Variants in GK5 observed in about 807,000 individuals in gnomAD.
GK5 encodes the protein ATP:glycerol 3-phosphotransferase 5.
GK5 carries 39 observed loss-of-function variants against 77.3 expected under a neutral mutation model. The ratio of observed to expected loss-of-function variants is 0.50; its 90% CI spans 0.39 to 0.66. The LOEUF (loss-of-function observed/expected upper bound fraction) is 0.66. Among genes scored for constraint, GK5 ranks in the 30% least tolerant of loss-of-function variants. The pLI is 0.00. For missense variants in GK5, 487 were observed against 633.8 expected, an observed-to-expected ratio of 0.77 and a Z score of 2.49; for synonymous variants, 211 against 208.0, an observed-to-expected ratio of 1.01 and a Z score of -0.13.
chr3:142,179,147 CTTAA>C (rs2063660804), intron 11 of GK5, among the ~76,000 whole-genome samples: 1 of 152,124 alleles, frequency 6.6e-6, no homozygotes, highest in Non-Finnish European at 1.5e-5. Flanking sequence ...TTTAGAGAGC[CTTAA>C]TTAAGTTGAC....
At chr3:142,170,302 A>AGT in intron 15 of GK5, 23 bp downstream of exon 15, 1 of 1,612,636 alleles carries the variant, frequency 6.2e-7, no homozygotes, top group African/African-American at 1.3e-5. Context: ...GAAAACTCTC[A>AGT]TTCTTATAAA....
chr3:142,224,812 T>C (rs2064404274), intron 1 of GK5, among the ~76,000 whole-genome samples: 2 of 152,000 alleles, frequency 1.3e-5, no homozygotes, highest in Admixed American at 6.6e-5. Context: ...ATATGAAAAG[T>C]TATTGAGGCA....
At chr3:142,198,975 G>A (rs1392076213) in intron 4 of GK5, 42 bp from the exon 5 acceptor site, 2 of 1,480,284 alleles carry the variant, frequency 1.4e-6, no homozygotes, top group Non-Finnish European at 1.8e-6. Flanking sequence ...GCATTTAGTA[G>A]TGTTTAAAAT....
At position 142,218,744 on chromosome 3, in the gene GK5, T is replaced by C. The variant is rs192904595; in HGVS notation, c.148-3052A>G. On this transcript the variant is annotated intron_variant, in intron 1 of 15. Coordinates refer to ENST00000392993, the MANE Select transcript of GK5 (RefSeq NM_001039547.3). ...ATTCATATAACAAAAAGTTGATAAATTGGACTTCATCAAAGTTAAAAACAT... is the reference window on the plus strand; with the variant it reads ...ATTCATATAACAAAAAGTTGATAAACTGGACTTCATCAAAGTTAAAAACAT... Among the ~76,000 whole-genome samples, 8 of 152,200 alleles carry C rather than the reference T, an allele frequency of 5.3e-5. No individual in the cohort carries two copies. In the East Asian group the frequency reaches 1.4e-3, roughly 26 times the overall value.
chr3:142,189,621 T>A (rs2063821072), intron 5 of GK5, among the ~76,000 whole-genome samples: 1 of 152,164 alleles, frequency 6.6e-6, no homozygotes, highest in South Asian at 2.1e-4. Context: ...TGCTAGGCCC[T>A]TAGGAGGCTA....
chr3:142,217,853 G>A (rs1041597832), intron 1 of GK5, among the ~76,000 whole-genome samples: 1 of 152,144 alleles, frequency 6.6e-6, no homozygotes, highest in Non-Finnish European at 1.5e-5. Context: ...TTTACAGTGT[G>A]CTAAAAGAAC....
chr3:142,165,728 C>A lies in GK5; in HGVS notation c.1484G>T (p.Ser495Ile). 6.2e-7 allele frequency: 1 copy of A among 1,612,830 alleles called. No individual in the cohort carries two copies. The highest frequency in any genetic ancestry group is 1.3e-5 in the African/African-American group (1 of 75,010). ...DKEELKKLRQ[S>I]EVVFKPQKKC... ...CTTCTGTGGCTTGAAAACCACTTCA[C>A]TTTGTCTCAGTTTCTTTAGTTCCTC... Residue 495 changes from serine to isoleucine, a missense_variant, in exon 16 of 16, where the codon AGT (serine) becomes ATT (isoleucine). Physicochemically the swap from Ser to Ile is moderately radical, Grantham distance 142. Coordinates refer to ENST00000392993, the MANE Select transcript of GK5 (RefSeq NM_001039547.3).
In GK5 at chr3:142,198,813, T is replaced by G; in HGVS notation, c.532A>C (p.Asn178His). Residue 178 changes from asparagine to histidine, a missense_variant, in exon 5 of 16, where the codon AAC becomes CAC. Asn to His is a moderately conservative substitution (Grantham distance 68). This residue lies in a region of GK5 where 323 missense variants were observed against 437.4 expected (regional missense o/e 0.74). Transcript: ENST00000392993. ...TSLRLVWILQ[N>H]LTEVQKAVEE... is the part of the protein sequence containing the mutation. ...CAGTATTTTCTTACCTCAGTCAAGT[T>G]CTGTAAAATCCAGACCAATCTCAAA... 9 of 1,610,260 alleles carry G rather than the reference T, an allele frequency of 5.6e-6. No homozygotes were observed. Among genetic ancestry groups the G allele is most frequent in the Non-Finnish European group, 7.6e-6 (9 of 1,178,696 alleles).
intron 1 of GK5, among the ~76,000 whole-genome samples, chr3:142,216,947 C>A (rs554142492): frequency 1.3e-5 from 2 of 152,062 alleles, no homozygotes; most frequent in Non-Finnish European, 2.9e-5. Context: ...GCAATAAATA[C>A]CTGCTAAAAG....
chr3:142,204,572 G>A (rs1039790855), intron 4 of GK5, 123 bp downstream of exon 4: 5 of 742,158 alleles, frequency 6.7e-6, no homozygotes, highest in East Asian at 2.6e-5. Context: ...TCACTGGAAT[G>A]GGGAGTGTGT....
intron 1 of GK5, among the ~76,000 whole-genome samples, chr3:142,220,778 C>A (rs1478538947): frequency 6.6e-5 from 10 of 152,046 alleles, no homozygotes; most frequent in Non-Finnish European, 1.5e-4. Flanking sequence ...GAGAGTGATG[C>A]CCGTAAGCAA....
Position 142,165,789 on chromosome 3 carries a change from T to C in GK5, c.1442-19A>G, listed in dbSNP as rs755136151. 2.6e-6 allele frequency: 4 copies of C among 1,543,544 alleles called. No individual in the cohort carries two copies. The South Asian group carries it at 5.0e-5, about 19-fold the overall frequency. On this transcript the variant is annotated intron_variant, in intron 15 of 15. Transcript: ENST00000392993. The stretch of plus-strand genomic sequence containing the variant: ...CAAAACCCTATAGATAAAAAAATTA[T>C]CCTCAAATTTTAAGGCAAATCATGA...
At chr3:142,223,168 T>C (rs1327425666) in intron 1 of GK5, among the ~76,000 whole-genome samples, 3 of 152,218 alleles carry the variant, frequency 2.0e-5, no homozygotes, top group African/African-American at 7.2e-5. Context: ...CCTCACTTCA[T>C]TCCTAAAAAA....
At chr3:142,171,005 GATC>G (rs1300288300) in intron 14 of GK5, among the ~76,000 whole-genome samples, 1 of 152,102 alleles carries the variant, frequency 6.6e-6, no homozygotes, top group Non-Finnish European at 1.5e-5. Context: ...GAAGAGGGCG[GATC>G]ACCTGAGGTC....
chr3:142,223,019 G>A (rs913629183), intron 1 of GK5, among the ~76,000 whole-genome samples: 1 of 152,130 alleles, frequency 6.6e-6, no homozygotes, highest in African/African-American at 2.4e-5. Context: ...TGCTTTATCC[G>A]GGAAGAGCAG....
chr3:142,179,856 G>C (rs2063669275), intron 11 of GK5, among the ~76,000 whole-genome samples: 1 of 152,122 alleles, frequency 6.6e-6, no homozygotes, highest in African/African-American at 2.4e-5. Context: ...AAGCCGTCTG[G>C]GGACTCCCTG....
chr3:142,185,475 T>C (rs2063756420), intron 9 of GK5: 1 of 986,288 alleles, frequency 1.0e-6, no homozygotes, highest in Non-Finnish European at 1.2e-6. Context: ...TATTTACTGG[T>C]AGATGATGGC....
chr3:142,181,674 A>G (rs923920279), intron 10 of GK5, 109 bp from the exon 11 acceptor site: 1 of 702,022 alleles, frequency 1.4e-6, no homozygotes, highest in African/African-American at 1.8e-5. Flanking sequence ...GTGCCTCTGA[A>G]GTCAGACTGT....
rs72997055 is a variant in GK5, at chr3:142,221,977, A to G, written c.147+3332T>C. On this transcript the variant is annotated intron_variant, in intron 1 of 15. Transcript: ENST00000392993. The stretch of plus-strand genomic sequence containing the variant: ...TTTCTTTTTTAAAAATTTCTTTCCC[A>G]GTATAATCAAATCATACACTAAGAG... 5.7e-3 allele frequency among the ~76,000 whole-genome samples: 863 copies of G among 152,324 alleles called. 5 individuals carry two copies. The highest frequency in any genetic ancestry group is 0.02 in the African/African-American group (814 of 41,576).
Sources: allele counts gnomAD v4.1 joint callset (sites outside exome capture counted in the v4.1 genomes callset), GRCh38; gene constraint gnomAD v4.1.1; regional missense constraint gnomAD v4.1.1; transcripts MANE v1.5; gene names NCBI Gene and HGNC (gene_info 2026-07-23, HGNC 2026-07-21).